ZBTB16: variants seen among roughly 807,000 people sequenced by gnomAD.
ZBTB16 encodes zinc finger and BTB domain containing 16.
A neutral mutation model predicts 56.8 loss-of-function variants in ZBTB16; 8 were observed. That is an observed-to-expected ratio of 0.14 (90% CI 0.08 to 0.25). The LOEUF (loss-of-function observed/expected upper bound fraction) is 0.25, where lower values mean the gene tolerates loss of function less well. Among genes scored for constraint, ZBTB16 ranks in the 10% least tolerant of loss-of-function variants. ZBTB16 has a pLI of 1.00. For missense variants in ZBTB16, 625 were observed against 903.0 expected (o/e 0.69, Z 3.95); for synonymous variants, 363 against 368.5 (o/e 0.98, Z 0.17).
In ZBTB16 at chr11:114,150,052, A is replaced by G. The variant is rs74363636; in HGVS notation, c.1269-6285A>G. 4.4e-3 allele frequency among the ~76,000 whole-genome samples: 677 copies of G among 152,358 alleles called. 3 individuals carry two copies. The highest frequency in any genetic ancestry group is 0.012 in the African/African-American group (518 of 41,584). ...CCCACAGAGTGTATAGTCTTAAGGAACTTATAAATGGCTTAGTCTTGAATC... is the reference window on the plus strand; with the variant it reads ...CCCACAGAGTGTATAGTCTTAAGGAGCTTATAAATGGCTTAGTCTTGAATC... On this transcript the variant is annotated intron_variant, in intron 2 of 6. Coordinates refer to ENST00000335953, the MANE Select transcript of ZBTB16 (RefSeq NM_006006.6).
chr11:114,244,088 A>G (rs1944768624), intron 5 of ZBTB16, among the ~76,000 whole-genome samples: 1 of 152,104 alleles, frequency 6.6e-6, no homozygotes, highest in African/African-American at 2.4e-5. Flanking sequence ...CACCCCACAC[A>G]CAATGCCTCA....
At chr11:114,092,719 G>A (rs144243445) in intron 2 of ZBTB16, among the ~76,000 whole-genome samples, 146 of 152,242 alleles carry the variant, frequency 9.6e-4, no homozygotes, top group Middle Eastern at 3.4e-3. Context: ...ATATAGGGCC[G>A]TCGTAAGGCT....
intron 3 of ZBTB16, among the ~76,000 whole-genome samples, chr11:114,176,296 C>A (rs534934475): frequency 5.3e-5 from 8 of 152,214 alleles, no homozygotes; most frequent in Admixed American, 4.6e-4. Context: ...TGGCAGAAAC[C>A]CTTACTCTTA....
intron 2 of ZBTB16, among the ~76,000 whole-genome samples, chr11:114,106,472 C>CTTTTTTT (rs59505866): frequency 4.3e-5 from 6 of 139,658 alleles, no homozygotes; most frequent in African/African-American, 1.3e-4. Flanking sequence ...TCACGATCTT[C>CTTTTTTT]TTTTTTTTTT....
intron 4 of ZBTB16, among the ~76,000 whole-genome samples, chr11:114,241,628 C>T (rs1944705608): frequency 6.6e-6 from 1 of 152,136 alleles, no homozygotes; most frequent in Non-Finnish European, 1.5e-5. Context: ...TGTTGGGGAC[C>T]ACTGCTCTGT....
At chr11:114,214,926 TG>T (rs1333209359) in intron 4 of ZBTB16, among the ~76,000 whole-genome samples, 1 of 151,932 alleles carries the variant, frequency 6.6e-6, no homozygotes, top group Non-Finnish European at 1.5e-5. Context: ...TGAGTGATGA[TG>T]GCAGAAAGTC....
intron 2 of ZBTB16, among the ~76,000 whole-genome samples, chr11:114,078,812 TGTG>T (rs1939659357): frequency 6.6e-6 from 1 of 152,076 alleles, no homozygotes; most frequent in African/African-American, 2.4e-5. Flanking sequence ...GGAGGCACCC[TGTG>T]GGAGGCTGAG....
Position 114,252,203 on chromosome 11 carries a change from C to T in ZBTB16, c.*1648C>T, listed in dbSNP as rs2135222989. On this transcript the variant is annotated 3_prime_UTR_variant, in exon 7 of 7. Transcript: ENST00000335953. ...TTGGCTCCGCTGGTGCATGAAGTCACCTGTGGCCACCATCCGTTCCGCCTA... is the reference window on the plus strand; with the variant it reads ...TTGGCTCCGCTGGTGCATGAAGTCATCTGTGGCCACCATCCGTTCCGCCTA... Among the ~76,000 whole-genome samples, 1 of 152,198 alleles carries T rather than the reference C, an allele frequency of 6.6e-6. No individual in the cohort carries two copies. The highest frequency in any genetic ancestry group is 1.5e-5 in the Non-Finnish European group (1 of 68,018).
intron 2 of ZBTB16, among the ~76,000 whole-genome samples, chr11:114,116,261 G>T (rs1941172237): frequency 6.6e-6 from 1 of 152,204 alleles, no homozygotes; most frequent in Non-Finnish European, 1.5e-5. Context: ...ACTGACGGAT[G>T]AAATCATGAC....
Position 114,072,823 on chromosome 11 carries a change from C to T in ZBTB16, c.1268+8255C>T, listed in dbSNP as rs955671370. Among the ~76,000 whole-genome samples the T allele has an allele frequency of 2.6e-5, 4 of 152,018 alleles. 1 individual carries two copies. Among genetic ancestry groups the T allele is most frequent in the South Asian group, 2.1e-4 (1 of 4,820 alleles). Reference sequence around the variant, plus strand: ...ATCCCAGCACTTTGGGAGGCCGAGGCGGGCGGATCACGAGGTCAGGAGATC... The same window carrying T: ...ATCCCAGCACTTTGGGAGGCCGAGGTGGGCGGATCACGAGGTCAGGAGATC... On this transcript the variant is annotated intron_variant, in intron 2 of 6. Coordinates refer to ENST00000335953, the MANE Select transcript of ZBTB16 (RefSeq NM_006006.6).
chr11:114,255,848 CAGT>C lies in ZBTB16; in HGVS notation c.*5296_*5298del, dbSNP rs1944997164. Among the ~76,000 whole-genome samples, 1 of 151,678 alleles carries C rather than the reference CAGT, an allele frequency of 6.6e-6. No homozygotes were observed. The highest frequency in any genetic ancestry group is 1.5e-5 in the Non-Finnish European group (1 of 67,958). ...GAGAATATTTTTTACATCCTACTAA[CAGT>C]AGATTTTTTTGTAGTGAACATTTTT... On this transcript the variant is annotated 3_prime_UTR_variant, in exon 7 of 7. Coordinates refer to ENST00000335953, the MANE Select transcript of ZBTB16 (RefSeq NM_006006.6).
chr11:114,192,008 A>G (rs1422709269), intron 4 of ZBTB16, among the ~76,000 whole-genome samples: 1 of 152,196 alleles, frequency 6.6e-6, no homozygotes, highest in Non-Finnish European at 1.5e-5. Context: ...TTAAAACAAT[A>G]AAGTGTTATT....
chr11:114,147,666 A>G (rs1258369372), intron 2 of ZBTB16, among the ~76,000 whole-genome samples: 1 of 152,214 alleles, frequency 6.6e-6, no homozygotes, highest in Non-Finnish European at 1.5e-5. Flanking sequence ...TTCTAAAAGC[A>G]CAACTTTTCT....
At chr11:114,160,561 TTTG>T (rs1942560512) in intron 3 of ZBTB16, among the ~76,000 whole-genome samples, 1 of 152,210 alleles carries the variant, frequency 6.6e-6, no homozygotes, top group Admixed American at 6.5e-5. Context: ...AAATTGACAA[TTTG>T]TTTAATTAGA....
At chr11:114,246,141 C>A (rs1591813457) in intron 5 of ZBTB16, among the ~76,000 whole-genome samples, 2 of 152,262 alleles carry the variant, frequency 1.3e-5, no homozygotes, top group African/African-American at 4.8e-5. Context: ...TTTCATAGAC[C>A]CACCATTTCC....
chr11:114,102,838 G>A (rs1940661378), intron 2 of ZBTB16, among the ~76,000 whole-genome samples: 1 of 152,150 alleles, frequency 6.6e-6, no homozygotes, highest in Admixed American at 6.5e-5. Flanking sequence ...TGGGCTTGAA[G>A]TTTTTGATGC....
chr11:114,130,235 C>T (rs952416667), intron 2 of ZBTB16, among the ~76,000 whole-genome samples: 5 of 152,180 alleles, frequency 3.3e-5, no homozygotes, highest in Admixed American at 1.3e-4. Context: ...TCCAGGTGAC[C>T]GCCTAGAGCC....
chr11:114,232,232 A>G (rs562150444), intron 4 of ZBTB16, among the ~76,000 whole-genome samples: 1 of 152,274 alleles, frequency 6.6e-6, no homozygotes, highest in Non-Finnish European at 1.5e-5. Flanking sequence ...CAGGCAGAAT[A>G]CATGCCAGGG....
At position 114,190,742 on chromosome 11, in the gene ZBTB16, C is replaced by T. The variant is rs1407888953; in HGVS notation, c.1453+3704C>T. On this transcript the variant is annotated intron_variant, in intron 4 of 6. Transcript: ENST00000335953. ...CACCTCTCTCTCATACACACACACACACACACACACACACACATATATATA... is the reference window on the plus strand; with the variant it reads ...CACCTCTCTCTCATACACACACACATACACACACACACACACATATATATA... Among the ~76,000 whole-genome samples the T allele has an allele frequency of 1.6e-3, 242 of 148,922 alleles. 2 individuals carry two copies. The highest frequency in any genetic ancestry group is 5.4e-3 in the African/African-American group (222 of 41,076).
Sources: gnomAD v4.1 joint callset for allele counts (sites outside exome capture counted in the v4.1 genomes callset) on GRCh38, gnomAD v4.1.1 for gene constraint, MANE v1.5 for transcripts, NCBI Gene and HGNC (gene_info 2026-07-23, HGNC 2026-07-21) for gene names.